The following ARSK variants were observed in gnomAD, a reference collection of about 807,000 sequenced individuals.
The protein encoded by ARSK is arylsulfatase K.
ARSK carries 37 observed loss-of-function variants against 53.2 expected under a neutral mutation model. The ratio of observed to expected loss-of-function variants is 0.70; its 90% CI spans 0.54 to 0.92. The LOEUF is 0.92. Ranked by LOEUF, ARSK falls within the 40% of genes least tolerant of loss-of-function variation. The probability of loss-of-function intolerance (pLI) is 0.00; values close to 1 mark genes in which losing one functional copy is unlikely to be tolerated. For synonymous variants in ARSK, 208 were observed against 223.2 expected (o/e 0.93, Z 0.61); for missense variants, 613 against 643.0 (o/e 0.95, Z 0.51).
Position 95,604,868 on chromosome 5 carries a change from T to C in ARSK, c.*1342T>C, listed in dbSNP as rs1749473839. 1 of 152,226 alleles carries C rather than the reference T, an allele frequency of 6.6e-6. No homozygotes were observed. Among genetic ancestry groups the C allele is most frequent in the Non-Finnish European group, 1.5e-5 (1 of 68,036 alleles). The allele number at this position is 152,226 out of a possible 1,614,324, so 9.4% of individuals were successfully genotyped here. A position where few individuals can be genotyped will look rare whatever the true frequency, so the allele number is the denominator to read the frequency against. ...TTTGTTTTGTATTACAGGTGTGCTT[T>C]AGATATTAGCTTTTTGTAAGAGATC... On this transcript the variant is annotated 3_prime_UTR_variant, in exon 8 of 8. Coordinates refer to ENST00000380009, the MANE Select transcript of ARSK (RefSeq NM_198150.3).
chr5:95,599,086 TTAGCTCTGGGAGAGC>T (rs1321574981), intron 6 of ARSK, among the ~76,000 whole-genome samples: 6 of 152,212 alleles, frequency 3.9e-5, no homozygotes, highest in Non-Finnish European at 7.3e-5. Flanking sequence ...CATTAGAATG[TTAGCTCTGGGAGAGC>T]TTTTCTGCCT....
In ARSK at chr5:95,582,976, C is replaced by A. The variant is rs1201046355; in HGVS notation, c.477C>A (p.Pro159=). ...VAFLLRQEGR[P]MVNLIRNRTK... ...TCTTACTCAGACAAGAAGGCAGGCC[C>A]ATGGTTAATCTTATCCGTAACAGGA... Residue 159 remains proline, a synonymous_variant, in exon 4 of 8, where the codon CCC becomes CCA. Transcript: ENST00000380009. The A allele has an allele frequency of 1.9e-6, 3 of 1,612,964 alleles. No homozygotes were observed. The African/African-American group carries it at 4.0e-5, about 22-fold the overall frequency.
rs148985678 is a variant in ARSK at position 95,597,982 on chromosome 5, T to C, written c.1097-2865T>C. ...ATGGTGAACAATTAAATGTTAGATA[T>C]GGTTATCATTAATATGTTTAATTCT... On this transcript the variant is annotated intron_variant, in intron 6 of 7. Coordinates refer to ENST00000380009, the MANE Select transcript of ARSK (RefSeq NM_198150.3). Among the ~76,000 whole-genome samples, 63 of 152,076 alleles carry C rather than the reference T, an allele frequency of 4.1e-4. 1 individual carries two copies. In the East Asian group the frequency reaches 0.011, roughly 28 times the overall value.
chr5:95,591,872 G>A (rs991987473), intron 6 of ARSK, among the ~76,000 whole-genome samples: 2 of 152,198 alleles, frequency 1.3e-5, no homozygotes, highest in Admixed American at 6.5e-5. Context: ...GGAGATGACT[G>A]TAAAGTAAGC....
intron 2 of ARSK, among the ~76,000 whole-genome samples, chr5:95,567,599 C>T (rs999272719): frequency 6.4e-4 from 98 of 152,202 alleles, no homozygotes; most frequent in African/African-American, 2.3e-3. Context: ...TTGAAAGAGG[C>T]CTCTAGTCAC....
chr5:95,559,206 A>G (rs1748584244), intron 1 of ARSK, among the ~76,000 whole-genome samples: 1 of 152,242 alleles, frequency 6.6e-6, no homozygotes, highest in African/African-American at 2.4e-5. Flanking sequence ...ACAAGGAAAG[A>G]AACCCACAGA....
At chr5:95,582,863 T>C in intron 3 of ARSK, 53 bp from the exon 4 acceptor site, 1 of 1,483,618 alleles carries the variant, frequency 6.7e-7, no homozygotes, top group Non-Finnish European at 9.0e-7. Flanking sequence ...CTTAGTATGT[T>C]TTTAAAACTT....
At chr5:95,560,402 G>C (rs1561359526) in intron 1 of ARSK, among the ~76,000 whole-genome samples, 1 of 150,844 alleles carries the variant, frequency 6.6e-6, no homozygotes, top group African/African-American at 2.4e-5. Context: ...GAAATAAAAA[G>C]AACAAAGTTG....
chr5:95,587,612 G>T (rs1685219803), intron 5 of ARSK, among the ~76,000 whole-genome samples: 1 of 152,298 alleles, frequency 6.6e-6, no homozygotes, highest in Middle Eastern at 3.4e-3. Context: ...GTATAAAAAT[G>T]TATTGGCCAG....
intron 3 of ARSK, among the ~76,000 whole-genome samples, chr5:95,578,862 C>T (rs963433156): frequency 2.0e-5 from 3 of 152,178 alleles, no homozygotes; most frequent in Admixed American, 2.0e-4. Flanking sequence ...TAGAATTTGG[C>T]ACACTGCCAC....
chr5:95,555,138 G>GGGTGAA lies in ARSK; in HGVS notation c.-139_-134dup. The GGGTGAA allele has an allele frequency of 4.5e-6, 3 of 659,488 alleles. No homozygotes were observed. Among genetic ancestry groups the GGGTGAA allele is most frequent in the Non-Finnish European group, 7.4e-6 (3 of 406,716 alleles). 40.9% of individuals were successfully genotyped at this position (659,488 alleles called of 1,614,324 possible). On this transcript the variant is annotated 5_prime_UTR_variant, in exon 1 of 8. Transcript: ENST00000380009. This position sits in a 1 kb window ranked among gnomAD's most constrained non-coding sequence, Gnocchi z 4.0. ...CGCCTGATAGGAGTTGTAGTTCTGC[G>GGGTGAA]GGTGAAGCTCGGCGTTACTATCAAG...
At chr5:95,576,506 C>G (rs754470793) in intron 3 of ARSK, among the ~76,000 whole-genome samples, 1 of 151,556 alleles carries the variant, frequency 6.6e-6, no homozygotes, top group African/African-American at 2.4e-5. Flanking sequence ...CAAGTCTATA[C>G]TTTTCATGTC....
At chr5:95,591,995 T>C (rs962563966) in intron 6 of ARSK, among the ~76,000 whole-genome samples, 3 of 152,246 alleles carry the variant, frequency 2.0e-5, no homozygotes, top group Non-Finnish European at 2.9e-5. Context: ...TTCTATTCAC[T>C]TTGAAACTAG....
intron 1 of ARSK, among the ~76,000 whole-genome samples, chr5:95,565,102 CATATAAT>C (rs767045304): frequency 1.3e-5 from 2 of 152,184 alleles, no homozygotes; most frequent in Admixed American, 6.5e-5. Context: ...ATGTTGAAAA[CATATAAT>C]AGATAGAACT....
intron 1 of ARSK, among the ~76,000 whole-genome samples, chr5:95,564,760 A>T (rs1748699830): frequency 6.6e-6 from 1 of 151,936 alleles, no homozygotes; most frequent in South Asian, 2.1e-4. Context: ...CGGTCTCCTC[A>T]CATCTTCCTC....
chr5:95,558,768 C>A (rs1233866076), intron 1 of ARSK, among the ~76,000 whole-genome samples: 1 of 152,228 alleles, frequency 6.6e-6, no homozygotes, highest in East Asian at 1.9e-4. Context: ...CTGATAAATT[C>A]TACCAAATAC....
In ARSK at chr5:95,597,658, C is replaced by T. The variant is rs936668558; in HGVS notation, c.1097-3189C>T. ...CCTGTAATCCCAGCACTTTGGGAGG[C>T]CAGGGTGGGCAGATCACTTGAGGTC... On this transcript the variant is annotated intron_variant, in intron 6 of 7. Transcript: ENST00000380009. Among the ~76,000 whole-genome samples, 7 of 152,248 alleles carry T rather than the reference C, an allele frequency of 4.6e-5. No individual in the cohort carries two copies. The East Asian group carries it at 1.3e-3, about 29-fold the overall frequency.
At chr5:95,586,943 C>T (rs934495472) in intron 5 of ARSK, among the ~76,000 whole-genome samples, 1 of 152,096 alleles carries the variant, frequency 6.6e-6, no homozygotes, top group Non-Finnish European at 1.5e-5. Context: ...TTCATAAATG[C>T]TCAGATTTAT....
chr5:95,585,819 T>A (rs1267075918), intron 4 of ARSK, among the ~76,000 whole-genome samples: 1 of 152,176 alleles, frequency 6.6e-6, no homozygotes, highest in African/African-American at 2.4e-5. Flanking sequence ...AAATTAAAAG[T>A]TAGTTTAAAA....
Sources: gnomAD v4.1 joint callset for allele counts (sites outside exome capture counted in the v4.1 genomes callset) on GRCh38, gnomAD v4.1.1 for gene constraint, Gnocchi (gnomAD v3.1) non-coding constraint, MANE v1.5 for transcripts, NCBI Gene and HGNC (gene_info 2026-07-23, HGNC 2026-07-21) for gene names.